Variants in ESCO2 observed in about 807,000 individuals in gnomAD.
ESCO2 encodes N-acetyltransferase ESCO2.
ESCO2 carries 51 observed loss-of-function variants against 61.7 expected under a neutral mutation model. That is an observed-to-expected ratio of 0.83 (90% CI 0.66 to 1.04). The LOEUF is 1.04. ESCO2 is among the 50% of genes least tolerant of loss of function. The pLI is 0.00. For missense variants in ESCO2, 692 were observed against 686.2 expected, an observed-to-expected ratio of 1.01 and a Z score of -0.09; for synonymous variants, 230 against 238.2, an observed-to-expected ratio of 0.97 and a Z score of 0.32.
intron 5 of ESCO2, among the ~76,000 whole-genome samples, chr8:27,787,607 A>G (rs1156540954): frequency 1.3e-5 from 2 of 152,198 alleles, no homozygotes; most frequent in Non-Finnish European, 2.9e-5. Context: ...ATCTATGTGC[A>G]TCTGATATTG....
chr8:27,799,841 G>A, intron 10 of ESCO2, 125 bp downstream of exon 10: 1 of 1,159,144 alleles, frequency 8.6e-7, no homozygotes, highest in East Asian at 2.5e-5. Flanking sequence ...TTAAAGTCAG[G>A]CTAAGGAAGG....
chr8:27,817,713 G>A, the ESCO2 span, among the ~76,000 whole-genome samples: 2 of 151,930 alleles, frequency 1.3e-5, no homozygotes, highest in Non-Finnish European at 2.9e-5. Flanking sequence ...AGGGTCAAAG[G>A]GCATAAACAT....
At chr8:27,788,288 G>A (rs1805093685) in intron 6 of ESCO2, among the ~76,000 whole-genome samples, 1 of 152,014 alleles carries the variant, frequency 6.6e-6, no homozygotes, top group South Asian at 2.1e-4. Context: ...TAATATAGAA[G>A]TCCTAAAATT....
Position 27,803,635 on chromosome 8 carries a change from A to T in ESCO2, c.*197A>T, listed in dbSNP as rs1171058791. On this transcript the variant is annotated 3_prime_UTR_variant, in exon 11 of 11. Coordinates refer to ENST00000305188, the MANE Select transcript of ESCO2 (RefSeq NM_001017420.3). ...GTCAGGAATAAATTTGTTGAAAATT[A>T]TCTGGGGATTCAAAGGAAAAATCTT... is the stretch of plus-strand genomic sequence containing the variant. The T allele has an allele frequency of 7.4e-7, 1 of 1,360,446 alleles. No homozygotes were observed. Among genetic ancestry groups the T allele is most frequent in the African/African-American group, 1.5e-5 (1 of 67,546 alleles). The allele number at this position is 1,360,446 out of a possible 1,614,324, so 84.3% of individuals were successfully genotyped here. A position where few individuals can be genotyped will look rare whatever the true frequency, so the allele number is the denominator to read the frequency against.
At position 27,803,343 on chromosome 8, in the gene ESCO2, G is replaced by A. The variant is rs766770832; in HGVS notation, c.1711G>A (p.Glu571Lys). The change falls in exon 11 of 11, where the codon GAA becomes AAA. Residue 571 changes from glutamate to lysine, a missense_variant. Transcript: ENST00000305188. ...GTTTGGCTGTTTTCTCAGCACTGAT[G>A]AAATAGCATTTTCTGACCCAACACC... is the stretch of plus-strand genomic sequence containing the variant. ...FMFGCFLSTDEIAFSDPTPDG... is the reference protein window; with the variant it reads ...FMFGCFLSTDKIAFSDPTPDG... The A allele has an allele frequency of 2.5e-6, 4 of 1,613,998 alleles. No individual in the cohort carries two copies. Among genetic ancestry groups the A allele is most frequent in the South Asian group, 1.1e-5 (1 of 91,068 alleles).
chr8:27,780,048 A>C (rs1205928971), intron 3 of ESCO2, 126 bp from the exon 4 acceptor site: 3 of 676,328 alleles, frequency 4.4e-6, no homozygotes, highest in Non-Finnish European at 7.9e-6. Flanking sequence ...ATTGAAAATC[A>C]CATTATGAAA....
At chr8:27,801,917 T>G (rs1279622101) in intron 10 of ESCO2, among the ~76,000 whole-genome samples, 1 of 151,834 alleles carries the variant, frequency 6.6e-6, no homozygotes, top group Non-Finnish European at 1.5e-5. Flanking sequence ...AATGCTTTTA[T>G]TTGACAGTCC....
intron 10 of ESCO2, among the ~76,000 whole-genome samples, chr8:27,801,905 G>A (rs11136009): frequency 0.86 from 129,412 of 150,358 alleles, 55,830 homozygotes; most frequent in East Asian, 1. Context: ...TAATATTGAT[G>A]TAATGCTTTT....
At position 27,780,222 on chromosome 8, in the gene ESCO2, A is replaced by C. The variant is rs752610227; in HGVS notation, c.910A>C (p.Asn304His). The change falls in exon 4 of 11, where the codon AAT (asparagine) becomes CAT (histidine). Residue 304 changes from asparagine to histidine, a missense_variant. Asn to His is a moderately conservative substitution (Grantham distance 68). Transcript: ENST00000305188. ...TTCAAAGGAACATAAAGTTGATAAA[A>C]ATGAGGCTTTTTCTTCAGAGGATTC... ...VSSKEHKVDK[N>H]EAFSSEDSLG... is the part of the protein sequence containing the mutation. 6.2e-7 allele frequency: 1 copy of C among 1,612,704 alleles called. No homozygotes were observed.
chr8:27,793,675 C>T (rs1362303158), intron 9 of ESCO2, among the ~76,000 whole-genome samples: 8 of 151,734 alleles, frequency 5.3e-5, no homozygotes, highest in Non-Finnish European at 7.4e-5. Flanking sequence ...TTAGTAGAGA[C>T]GGGGTTTCAC....
At chr8:27,802,366 C>T (rs545472288) in intron 10 of ESCO2, among the ~76,000 whole-genome samples, 2 of 150,114 alleles carry the variant, frequency 1.3e-5, no homozygotes, top group East Asian at 2.0e-4. Context: ...GAGGCCGAGG[C>T]GGGTGGATTA....
At chr8:27,813,181 A>G (rs1805730649), downstream of ESCO2, among the ~76,000 whole-genome samples, 1 of 152,250 alleles carries the variant, frequency 6.6e-6, no homozygotes, top group Admixed American at 6.5e-5. Flanking sequence ...ACATGGATGC[A>G]GCTGGAAACC....
upstream of ESCO2, chr8:27,774,252 AC>A (rs1195627639): frequency 6.6e-6 from 1 of 151,950 alleles, no homozygotes; most frequent in Non-Finnish European, 1.5e-5. Context: ...AAAATTTCTT[AC>A]CCCGTGACCC....
In ESCO2 at chr8:27,776,670, T is replaced by C. The variant is rs1804799081; in HGVS notation, c.362T>C (p.Ile121Thr). The change falls in exon 3 of 11, where the codon ATT becomes ACT. Residue 121 changes from isoleucine to threonine, a missense_variant. Coordinates refer to ENST00000305188, the MANE Select transcript of ESCO2 (RefSeq NM_001017420.3). ...KTNDEDKSFP[I>T]VTEKMQGKPV... The stretch of plus-strand genomic sequence containing the variant: ...AATGATGAAGATAAATCTTTTCCCA[T>C]TGTGACAGAAAAAATGCAAGGAAAA... 6.2e-7 allele frequency: 1 copy of C among 1,613,646 alleles called. No homozygotes were observed. The highest frequency in any genetic ancestry group is 1.3e-5 in the African/African-American group (1 of 74,856).
chr8:27,791,449 T>C (rs72609976), intron 7 of ESCO2, among the ~76,000 whole-genome samples: 23,466 of 152,160 alleles, frequency 0.15, 2,281 homozygotes, highest in East Asian at 0.37. Context: ...TACCATAATA[T>C]TTCAGTATCA....
chr8:27,791,262 T>C (rs1033352474), intron 7 of ESCO2, among the ~76,000 whole-genome samples: 2 of 152,216 alleles, frequency 1.3e-5, no homozygotes, highest in Admixed American at 6.5e-5. Context: ...ATGGATCTTA[T>C]TAAATTTATT....
intron 9 of ESCO2, 136 bp downstream of exon 9, chr8:27,792,947 T>C (rs775928275): frequency 3.1e-5 from 31 of 1,014,614 alleles, no homozygotes; most frequent in Non-Finnish European, 4.0e-5. Context: ...TAGTGGATAA[T>C]TGAAGTTATT....
In ESCO2 at chr8:27,775,549, A is replaced by T. The variant is rs1274979255; in HGVS notation, c.35A>T (p.Asp12Val). Residue 12 changes from aspartate to valine, a missense_variant, in exon 2 of 11, where the codon GAT (aspartate) becomes GTT (valine). Transcript: ENST00000305188. ...CTTACTCCAAGGAAGAGGAAGCAGG[A>T]TTCTTTGAAGTGTGACAGGTGAATC... is the stretch of plus-strand genomic sequence containing the variant. ...AALTPRKRKQ[D>V]SLKCDSLLHF... The T allele has an allele frequency of 1.2e-6, 2 of 1,614,174 alleles. No homozygotes were observed. The highest frequency in any genetic ancestry group is 2.2e-5 in the South Asian group (2 of 91,086).
At chr8:27,789,814 T>TA (rs1294749106) in intron 7 of ESCO2, among the ~76,000 whole-genome samples, 1 of 146,452 alleles carries the variant, frequency 6.8e-6, no homozygotes, top group Non-Finnish European at 1.5e-5. Flanking sequence ...AGATGAAACA[T>TA]AAGTCTAGTA....
Sources: allele counts gnomAD v4.1 joint callset (sites outside exome capture counted in the v4.1 genomes callset), GRCh38; gene constraint gnomAD v4.1.1; transcripts MANE v1.5; gene names NCBI Gene and HGNC (gene_info 2026-07-23, HGNC 2026-07-21).